The following SNTG2 variants were observed in gnomAD, a reference collection of about 807,000 sequenced individuals.
The protein encoded by SNTG2 is syntrophin gamma 2.
In SNTG2, 74 loss-of-function variants were observed where a neutral mutation model predicts 70.9. The ratio of observed to expected loss-of-function variants is 1.04; its 90% confidence interval spans 0.86 to 1.27. SNTG2 has a LOEUF of 1.27. SNTG2 is among the 50% of genes most tolerant of loss of function. SNTG2 has a pLI of 0.00. For synonymous variants in SNTG2, 278 were observed against 273.8 expected, an observed-to-expected ratio of 1.02 and a Z score of -0.15; for missense variants, 717 against 690.7, an observed-to-expected ratio of 1.04 and a Z score of -0.43.
At chr2:1,268,446 A>G (rs1678863302) in intron 14 of SNTG2, among the ~76,000 whole-genome samples, 1 of 152,186 alleles carries the variant, frequency 6.6e-6, no homozygotes, top group Non-Finnish European at 1.5e-5. Context: ...GCTTCCCTGT[A>G]ACTAATGCAC....
intron 16 of SNTG2, chr2:1,346,304 G>GC: frequency 6.6e-6 from 1 of 152,542 alleles, no homozygotes; most frequent in Non-Finnish European, 1.5e-5. Context: ...ACTCCTGAGA[G>GC]CCCCCCGCAT....
intron 1 of SNTG2, among the ~76,000 whole-genome samples, chr2:1,045,755 G>C (rs1661698369): frequency 6.6e-6 from 1 of 152,066 alleles, no homozygotes; most frequent in Admixed American, 6.6e-5. Flanking sequence ...GGATGGTATG[G>C]TTCAGGTTTT....
chr2:1,356,743 A>G (rs1047659515), intron 16 of SNTG2, among the ~76,000 whole-genome samples: 1 of 152,202 alleles, frequency 6.6e-6, no homozygotes, highest in Non-Finnish European at 1.5e-5. Flanking sequence ...CATTGAATCT[A>G]TAGATCACTT....
chr2:1,213,362 A>G (rs1674169987), intron 9 of SNTG2, among the ~76,000 whole-genome samples: 1 of 152,232 alleles, frequency 6.6e-6, no homozygotes, highest in African/African-American at 2.4e-5. Context: ...CCCATAGGCT[A>G]ATAGCTATAA....
At chr2:1,325,223 A>G (rs1681711303) in intron 16 of SNTG2, among the ~76,000 whole-genome samples, 1 of 152,248 alleles carries the variant, frequency 6.6e-6, no homozygotes, top group Admixed American at 6.5e-5. Context: ...ACTTATGCAA[A>G]TAACTCTGTC....
At chr2:1,239,800 A>T in intron 11 of SNTG2, 24 bp downstream of exon 11, 1 of 1,609,486 alleles carries the variant, frequency 6.2e-7, no homozygotes, top group Non-Finnish European at 8.5e-7. Context: ...TTTCTGCTTC[A>T]TGATGTAACA....
intron 1 of SNTG2, among the ~76,000 whole-genome samples, chr2:1,079,267 T>C (rs1438658510): frequency 3.3e-5 from 5 of 151,540 alleles, no homozygotes; most frequent in Non-Finnish European, 2.9e-5. Context: ...AGGTGATGTC[T>C]CCAGGGCACA....
chr2:1,235,279 A>G (rs1416165195), intron 9 of SNTG2, among the ~76,000 whole-genome samples: 3 of 68,854 alleles, frequency 4.4e-5, no homozygotes, highest in Admixed American at 4.0e-4. Context: ...TGCAGGCCCC[A>G]CCAGGCACAC....
At chr2:1,054,939 T>TTGTTTG (rs1367066130) in intron 1 of SNTG2, among the ~76,000 whole-genome samples, 10 of 150,690 alleles carry the variant, frequency 6.6e-5, no homozygotes, top group Middle Eastern at 3.2e-3. Flanking sequence ...TTTTTTTGTT[T>TTGTTTG]TGTTTTTGTT....
chr2:962,342 G>T (rs1196787998), intron 1 of SNTG2, among the ~76,000 whole-genome samples: 3 of 152,196 alleles, frequency 2.0e-5, no homozygotes, highest in Non-Finnish European at 4.4e-5. Context: ...AAAGTGCTGA[G>T]ATTGTAGGTG....
intron 1 of SNTG2, among the ~76,000 whole-genome samples, chr2:1,060,633 G>A (rs1662758045): frequency 6.6e-6 from 1 of 152,116 alleles, no homozygotes; most frequent in Admixed American, 6.5e-5. Flanking sequence ...GTGTCCCATG[G>A]GCCAAGCCTC....
chr2:1,162,035 C>T (rs188168789), intron 6 of SNTG2, among the ~76,000 whole-genome samples: 248 of 135,190 alleles, frequency 1.8e-3, no homozygotes, highest in Admixed American at 5.1e-3. Context: ...GATGGCGCCA[C>T]TGCACTCCAG....
intron 16 of SNTG2, among the ~76,000 whole-genome samples, chr2:1,361,357 C>T (rs75026941): frequency 8.1e-6 from 1 of 123,122 alleles, no homozygotes; most frequent in Admixed American, 8.3e-5. Context: ...AAAAAAAAAA[C>T]TCACAGAATT....
At chr2:1,355,320 G>C (rs1022765405) in intron 16 of SNTG2, among the ~76,000 whole-genome samples, 1 of 152,258 alleles carries the variant, frequency 6.6e-6, no homozygotes, top group South Asian at 2.1e-4. Context: ...TCACATGACC[G>C]AAACTGCACC....
intron 8 of SNTG2, among the ~76,000 whole-genome samples, chr2:1,188,054 GC>G (rs1480754744): frequency 6.6e-6 from 1 of 152,228 alleles, no homozygotes; most frequent in East Asian, 1.9e-4. Flanking sequence ...ACAAGCGTTA[GC>G]TTTATAAACT....
chr2:956,405 G>T (rs1391747091), intron 1 of SNTG2, among the ~76,000 whole-genome samples: 2 of 152,230 alleles, frequency 1.3e-5, no homozygotes, highest in Non-Finnish European at 2.9e-5. Flanking sequence ...CACTCACCCC[G>T]TGGCTGCATC....
At chr2:1,105,672 C>G (rs1666071193) in intron 4 of SNTG2, among the ~76,000 whole-genome samples, 1 of 152,192 alleles carries the variant, frequency 6.6e-6, no homozygotes, top group Non-Finnish European at 1.5e-5. Flanking sequence ...CCTGCTCACT[C>G]TCCCTCCTAT....
chr2:1,164,764 T>C (rs1275252201), intron 6 of SNTG2, among the ~76,000 whole-genome samples: 2 of 150,786 alleles, frequency 1.3e-5, no homozygotes, highest in Non-Finnish European at 3.0e-5. Flanking sequence ...GAGGATGAAG[T>C]GAGGTAGGAA....
chr2:1,186,907 ATAT>A (rs1672287434), intron 8 of SNTG2, among the ~76,000 whole-genome samples: 1 of 152,238 alleles, frequency 6.6e-6, no homozygotes, highest in Non-Finnish European at 1.5e-5. Context: ...GATATTATAA[ATAT>A]TTAAACAGAA....
Sources: allele counts gnomAD v4.1 joint callset (sites outside exome capture counted in the v4.1 genomes callset), GRCh38; gene constraint gnomAD v4.1.1; transcripts MANE v1.5; gene names NCBI Gene and HGNC (gene_info 2026-07-23, HGNC 2026-07-21).